Variants in FBXO36 observed in about 807,000 individuals in gnomAD.
FBXO36 encodes F-box only protein 36.
FBXO36 carries 18 observed loss-of-function variants against 17.0 expected under a neutral mutation model. The ratio of observed to expected loss-of-function variants is 1.06; its 90% confidence interval spans 0.73 to 1.57. The LOEUF (loss-of-function observed/expected upper bound fraction) is 1.57. FBXO36 is among the 40% of genes most tolerant of loss of function. The pLI is 0.00. For synonymous variants in FBXO36, 83 were observed against 85.3 expected, an observed-to-expected ratio of 0.97 and a Z score of 0.15; for missense variants, 229 against 221.9, an observed-to-expected ratio of 1.03 and a Z score of -0.20.
chr2:229,983,292 T>A (rs1395387410), intron 2 of FBXO36, among the ~76,000 whole-genome samples: 46 of 152,108 alleles, frequency 3.0e-4, no homozygotes, highest in Non-Finnish European at 4.4e-5. Context: ...GGAGAATCGC[T>A]TGAACCTGGG....
chr2:229,941,802 A>T (rs1037490129), intron 1 of FBXO36, among the ~76,000 whole-genome samples: 1 of 152,166 alleles, frequency 6.6e-6, no homozygotes, highest in African/African-American at 2.4e-5. Context: ...GGATCACTTG[A>T]GGTCATGAGC....
intron 1 of FBXO36, among the ~76,000 whole-genome samples, chr2:229,952,277 G>A (rs1054122622): frequency 1.3e-5 from 2 of 151,948 alleles, no homozygotes; most frequent in African/African-American, 4.8e-5. Context: ...CTTGCCTTAG[G>A]GGAGTTTCCC....
chr2:229,965,653 G>A (rs1220042637), intron 1 of FBXO36, among the ~76,000 whole-genome samples: 1 of 151,090 alleles, frequency 6.6e-6, no homozygotes, highest in Non-Finnish European at 1.5e-5. Context: ...GCAATAGTTT[G>A]CTGAGAATGA....
chr2:229,977,947 A>G (rs1049339101), intron 2 of FBXO36, among the ~76,000 whole-genome samples: 1 of 152,092 alleles, frequency 6.6e-6, no homozygotes, highest in African/African-American at 2.4e-5. Flanking sequence ...CTCTTTAATA[A>G]TTACTCCTTA....
intron 3 of FBXO36, among the ~76,000 whole-genome samples, chr2:230,005,123 G>A (rs924587740): frequency 1.3e-5 from 2 of 152,120 alleles, no homozygotes; most frequent in African/African-American, 4.8e-5. Flanking sequence ...TCCTGAGACA[G>A]GGTCATCTTG....
At chr2:229,979,433 T>C (rs2077226784) in intron 2 of FBXO36, among the ~76,000 whole-genome samples, 1 of 152,018 alleles carries the variant, frequency 6.6e-6, no homozygotes, top group Non-Finnish European at 1.5e-5. Flanking sequence ...TTTGTTGTTG[T>C]TTTTTGTTTT....
At chr2:229,936,740 A>C (rs1017862717) in intron 1 of FBXO36, among the ~76,000 whole-genome samples, 1 of 152,156 alleles carries the variant, frequency 6.6e-6, no homozygotes, top group African/African-American at 2.4e-5. Flanking sequence ...GCGTGGTGGC[A>C]TGCAACTGTG....
intron 1 of FBXO36, among the ~76,000 whole-genome samples, chr2:229,942,285 A>G (rs2106164431): frequency 6.6e-6 from 1 of 152,334 alleles, no homozygotes; most frequent in Non-Finnish European, 1.5e-5. Context: ...AGCACATGGC[A>G]TAGCAGTGCA....
intron 1 of FBXO36, chr2:229,932,638 A>G (rs1375214456): frequency 6.5e-6 from 1 of 153,384 alleles, no homozygotes; most frequent in Non-Finnish European, 1.5e-5. Context: ...AGATCGCACT[A>G]CTGCACTCCA....
chr2:229,968,988 G>A (rs2077167665), intron 1 of FBXO36, among the ~76,000 whole-genome samples: 1 of 151,840 alleles, frequency 6.6e-6, no homozygotes, highest in South Asian at 2.1e-4. Context: ...TGGCCAGGCT[G>A]GTCTCAAACT....
chr2:229,944,615 C>G (rs1364993487), intron 1 of FBXO36, among the ~76,000 whole-genome samples: 1 of 125,360 alleles, frequency 8.0e-6, no homozygotes, highest in East Asian at 2.3e-4. Context: ...TTTTTTGAGA[C>G]GGAGTCACGC....
chr2:229,975,799 A>AT (rs1217949366), intron 1 of FBXO36, among the ~76,000 whole-genome samples: 4 of 19,846 alleles, frequency 2.0e-4, no homozygotes, highest in Admixed American at 6.5e-4. Context: ...ATTTTATTTT[A>AT]TTTTTTTTGG....
At chr2:229,984,996 G>A (rs906829036) in intron 2 of FBXO36, among the ~76,000 whole-genome samples, 4 of 152,094 alleles carry the variant, frequency 2.6e-5, no homozygotes, top group Non-Finnish European at 2.9e-5. Flanking sequence ...TTTATCTGAG[G>A]GGTGCATTCT....
At chr2:229,941,353 G>C (rs2076997787) in intron 1 of FBXO36, among the ~76,000 whole-genome samples, 1 of 152,168 alleles carries the variant, frequency 6.6e-6, no homozygotes, top group Admixed American at 6.5e-5. Context: ...TACTCGGGAG[G>C]CTGAGGCAGG....
At chr2:230,009,419 A>T (rs569297489) in intron 3 of FBXO36, among the ~76,000 whole-genome samples, 1 of 152,226 alleles carries the variant, frequency 6.6e-6, no homozygotes, top group African/African-American at 2.4e-5. Context: ...AACAGCCTTC[A>T]GCAGCATCCA....
chr2:230,004,350 C>T (rs942913210), intron 3 of FBXO36, among the ~76,000 whole-genome samples: 8 of 152,138 alleles, frequency 5.3e-5, no homozygotes, highest in Non-Finnish European at 7.3e-5. Flanking sequence ...TCCCAGAAAA[C>T]GGTGGTTGAA....
chr2:229,944,624 G>C (rs1277702674), intron 1 of FBXO36, among the ~76,000 whole-genome samples: 1 of 133,502 alleles, frequency 7.5e-6, no homozygotes, highest in Non-Finnish European at 1.5e-5. Flanking sequence ...ACGGAGTCAC[G>C]CTCTGTCGCC....
chr2:230,003,203 C>T (rs2077369324), intron 3 of FBXO36, among the ~76,000 whole-genome samples: 1 of 121,852 alleles, frequency 8.2e-6, no homozygotes, highest in Admixed American at 9.0e-5. Context: ...GAGCAAGACT[C>T]CGTCTTAAAA....
chr2:229,938,216 CTTTTTTTTT>C (rs71049603), intron 1 of FBXO36, among the ~76,000 whole-genome samples: 1 of 73,258 alleles, frequency 1.4e-5, no homozygotes, highest in Non-Finnish European at 2.4e-5. Flanking sequence ...ATACAACTTT[CTTTTTTTTT>C]TTTTTTTTTT....
Sources: gnomAD v4.1 joint callset for allele counts (sites outside exome capture counted in the v4.1 genomes callset) on GRCh38, gnomAD v4.1.1 for gene constraint, MANE v1.5 for transcripts, NCBI Gene and HGNC (gene_info 2026-07-23, HGNC 2026-07-21) for gene names.